The following BICC1 variants were observed in gnomAD, a reference collection of about 807,000 sequenced individuals.
BICC1 encodes protein bicaudal C homolog 1.
In BICC1, 43 loss-of-function variants were observed where a neutral mutation model predicts 111.0. The observed-to-expected ratio is 0.39, with a 90% CI of 0.30 to 0.50. BICC1 has a LOEUF of 0.50. Ranked by LOEUF, BICC1 falls within the 20% of genes least tolerant of loss-of-function variation. The pLI is 0.88. For missense variants in BICC1, 1,091 were observed against 1,203.2 expected, an observed-to-expected ratio of 0.91 and a Z score of 1.38; for synonymous variants, 467 against 434.4, an observed-to-expected ratio of 1.07 and a Z score of -0.93.
chr10:58,595,509 A>C (rs1844782595), intron 1 of BICC1, among the ~76,000 whole-genome samples: 1 of 152,188 alleles, frequency 6.6e-6, no homozygotes, highest in Non-Finnish European at 1.5e-5. Context: ...AATCATAACG[A>C]ACAGTCTCTC....
At chr10:58,814,457 C>A in intron 18 of BICC1, 1 of 266,472 alleles carries the variant, frequency 3.8e-6, no homozygotes, top group Non-Finnish European at 7.1e-6. Flanking sequence ...ACACATGCAT[C>A]CAGGTGGTGA....
chr10:58,612,562 C>T (rs1845463929), intron 1 of BICC1, among the ~76,000 whole-genome samples: 1 of 148,672 alleles, frequency 6.7e-6, no homozygotes, highest in Admixed American at 6.7e-5. Flanking sequence ...CCGAAAAGCA[C>T]AGCAGCCCTC....
At chr10:58,765,169 G>A (rs1454870970) in intron 3 of BICC1, among the ~76,000 whole-genome samples, 5 of 152,132 alleles carry the variant, frequency 3.3e-5, no homozygotes, top group Middle Eastern at 3.4e-3. Flanking sequence ...TGCAACCTCC[G>A]CCTCTCCGTT....
At chr10:58,694,906 C>A (rs185500014) in intron 2 of BICC1, among the ~76,000 whole-genome samples, 1 of 152,264 alleles carries the variant, frequency 6.6e-6, no homozygotes, top group African/African-American at 2.4e-5. Context: ...GTATGTGGTG[C>A]CTTCTGCTTC....
intron 2 of BICC1, among the ~76,000 whole-genome samples, chr10:58,669,945 A>G (rs1490535818): frequency 6.6e-6 from 1 of 152,200 alleles, no homozygotes; most frequent in African/African-American, 2.4e-5. Context: ...AATTCTTAAT[A>G]AAAGTGAAGA....
chr10:58,546,707 A>C (rs1273795238), intron 1 of BICC1, among the ~76,000 whole-genome samples: 1 of 152,188 alleles, frequency 6.6e-6, no homozygotes, highest in Non-Finnish European at 1.5e-5. Flanking sequence ...GTTTTACCTA[A>C]TTAAGTAAAA....
chr10:58,710,609 G>T (rs1332910976), intron 3 of BICC1, among the ~76,000 whole-genome samples: 2 of 152,142 alleles, frequency 1.3e-5, no homozygotes, highest in Non-Finnish European at 2.9e-5. Flanking sequence ...CATGCCATGT[G>T]TTATTTCCTT....
rs2133015853 is a variant in BICC1, at chr10:58,830,933, C to G, written c.*2042C>G. The G allele has an allele frequency of 6.6e-6, 1 of 152,318 alleles. No individual in the cohort carries two copies. Among genetic ancestry groups the G allele is most frequent in the African/African-American group, 2.4e-5 (1 of 41,572 alleles). The allele number at this position is 152,318 out of a possible 1,614,324, so 9.4% of individuals were successfully genotyped here. On this transcript the variant is annotated 3_prime_UTR_variant, in exon 21 of 21. Coordinates refer to ENST00000373886, the MANE Select transcript of BICC1 (RefSeq NM_001080512.3). Reference sequence around the variant, plus strand: ...AAATGTTGTTATGCTTTTAATAAGACCTTCCCAGATAATAATCTTGGAGCT... The same window carrying G: ...AAATGTTGTTATGCTTTTAATAAGAGCTTCCCAGATAATAATCTTGGAGCT...
At chr10:58,621,264 G>A (rs553509425) in intron 2 of BICC1, among the ~76,000 whole-genome samples, 1 of 152,294 alleles carries the variant, frequency 6.6e-6, no homozygotes, top group East Asian at 1.9e-4. Flanking sequence ...GGTGAATATG[G>A]TGGGGGAGCT....
chr10:58,759,581 A>G (rs542018526), intron 3 of BICC1, among the ~76,000 whole-genome samples: 25 of 152,292 alleles, frequency 1.6e-4, no homozygotes, highest in Middle Eastern at 3.4e-3. Context: ...TGTTAATACA[A>G]TATTTCCTGT....
chr10:58,814,767 G>A (rs1844033080), intron 18 of BICC1, among the ~76,000 whole-genome samples: 1 of 151,956 alleles, frequency 6.6e-6, no homozygotes, highest in East Asian at 1.9e-4. Context: ...CTGCACTACA[G>A]CCTGGGTGAC....
At chr10:58,706,751 C>A (rs555032362) in intron 3 of BICC1, among the ~76,000 whole-genome samples, 1 of 152,294 alleles carries the variant, frequency 6.6e-6, no homozygotes, top group South Asian at 2.1e-4. Flanking sequence ...TAAGATGTGC[C>A]TGCTTTCCCT....
chr10:58,643,580 G>A (rs924542262), intron 2 of BICC1, among the ~76,000 whole-genome samples: 5 of 152,136 alleles, frequency 3.3e-5, no homozygotes, highest in African/African-American at 1.2e-4. Context: ...TCCAAAAAGG[G>A]GTTTGAAGTG....
intron 1 of BICC1, among the ~76,000 whole-genome samples, chr10:58,530,869 A>G (rs749609697): frequency 1.3e-5 from 2 of 151,772 alleles, no homozygotes; most frequent in African/African-American, 4.8e-5. Context: ...GGAGCACCAG[A>G]CTTCTACCCC....
intron 1 of BICC1, among the ~76,000 whole-genome samples, chr10:58,523,096 T>C (rs1417227208): frequency 1.3e-5 from 2 of 152,176 alleles, no homozygotes; most frequent in Non-Finnish European, 2.9e-5. Context: ...CAGAACCAGA[T>C]AGATTCACAG....
At chr10:58,712,868 G>T (rs560998170) in intron 3 of BICC1, among the ~76,000 whole-genome samples, 1 of 152,260 alleles carries the variant, frequency 6.6e-6, no homozygotes, top group East Asian at 1.9e-4. Flanking sequence ...CCTGCGTATA[G>T]AAAGCAGCGT....
intron 3 of BICC1, among the ~76,000 whole-genome samples, chr10:58,764,451 T>C (rs1187829280): frequency 1.3e-5 from 2 of 152,120 alleles, no homozygotes; most frequent in African/African-American, 4.8e-5. Context: ...TGGAATTCAC[T>C]TGTGGATGAA....
chr10:58,566,272 ATATG>A (rs1843758196), intron 1 of BICC1, among the ~76,000 whole-genome samples: 1 of 66,144 alleles, frequency 1.5e-5, no homozygotes, highest in Admixed American at 2.2e-4. Context: ...GCATATGTAT[ATATG>A]TATAGATACA....
chr10:58,726,775 A>T (rs1427318101), intron 3 of BICC1, among the ~76,000 whole-genome samples: 3 of 152,228 alleles, frequency 2.0e-5, no homozygotes, highest in African/African-American at 7.2e-5. Flanking sequence ...TCTTAAAAAT[A>T]TATCTGTTAC....
Sources: allele counts gnomAD v4.1 joint callset (sites outside exome capture counted in the v4.1 genomes callset), GRCh38; gene constraint gnomAD v4.1.1; transcripts MANE v1.5; gene names NCBI Gene and HGNC (gene_info 2026-07-23, HGNC 2026-07-21).